The following PTGS1 variants were observed in gnomAD, a reference collection of about 807,000 sequenced individuals.
The protein encoded by PTGS1 is prostaglandin G/H synthase 1.
PTGS1 carries 40 observed loss-of-function variants against 63.0 expected under a neutral mutation model. The observed-to-expected ratio is 0.63, with a 90% confidence interval of 0.49 to 0.83. The LOEUF (loss-of-function observed/expected upper bound fraction) is 0.83. PTGS1 is among the 40% of genes least tolerant of loss of function. The pLI is 0.00. For missense variants in PTGS1, 709 were observed against 786.5 expected, an observed-to-expected ratio of 0.90 and a Z score of 1.18; for synonymous variants, 298 against 301.9, an observed-to-expected ratio of 0.99 and a Z score of 0.13.
chr9:122,381,761 A>T lies in PTGS1; in HGVS notation c.762+14A>T, dbSNP rs202049266. ...CTCAAGTACCAGGTAGTGCTGGGCC[A>T]GGGGGTAGGGCAGAGGGAGGGGTCT... On this transcript the variant is annotated intron_variant, in intron 7 of 10. Transcript: ENST00000362012. 1.6e-5 allele frequency: 19 copies of T among 1,184,428 alleles called. 1 individual carries two copies. The South Asian group carries it at 2.1e-4, about 13-fold the overall frequency. 73.4% of individuals were successfully genotyped at this position (1,184,428 alleles called of 1,614,324 possible).
intron 2 of PTGS1, among the ~76,000 whole-genome samples, chr9:122,374,816 C>T (rs981732640): frequency 1.3e-5 from 2 of 152,196 alleles, no homozygotes; most frequent in Non-Finnish European, 2.9e-5. Context: ...CTTTCCATCC[C>T]TTCCCCAAAT....
chr9:122,377,161 C>G (rs2058161298), intron 2 of PTGS1, among the ~76,000 whole-genome samples: 1 of 152,190 alleles, frequency 6.6e-6, no homozygotes, highest in South Asian at 2.1e-4. Flanking sequence ...CCCCCTCCTC[C>G]TGCACACCCA....
At position 122,378,587 on chromosome 9, in the gene PTGS1, A is replaced by C; in HGVS notation, c.352+14A>C. ...TGGTACTCACAGGTGGGTGTGGGGCAGGGCCCCCTGACCTGGGGGAGCAAG... is the reference window on the plus strand; with the variant it reads ...TGGTACTCACAGGTGGGTGTGGGGCCGGGCCCCCTGACCTGGGGGAGCAAG... On this transcript the variant is annotated intron_variant, in intron 4 of 10. Transcript: ENST00000362012. 2 of 1,614,078 alleles carry C rather than the reference A, an allele frequency of 1.2e-6. No individual in the cohort carries two copies. The highest frequency in any genetic ancestry group is 3.3e-4 in the Middle Eastern group (2 of 6,060).
At chr9:122,374,997 T>C (rs1264052584) in intron 2 of PTGS1, among the ~76,000 whole-genome samples, 3 of 152,002 alleles carry the variant, frequency 2.0e-5, no homozygotes, top group Non-Finnish European at 2.9e-5. Context: ...GGGAGATAAA[T>C]GAGCGTGGGT....
intron 2 of PTGS1, chr9:122,375,301 C>G (rs371339738): frequency 8.1e-6 from 8 of 985,352 alleles, no homozygotes; most frequent in Admixed American, 6.1e-5. Flanking sequence ...TGTGGGCAGC[C>G]GTTCCAGCTT....
At chr9:122,377,772 C>A in intron 2 of PTGS1, 127 bp from the exon 3 acceptor site, 1 of 786,782 alleles carries the variant, frequency 1.3e-6, no homozygotes, top group Non-Finnish European at 2.1e-6. Flanking sequence ...AGCCCTGGCA[C>A]CCAGTGATTC....
At chr9:122,385,965 AAG>A (rs1296956710) in intron 8 of PTGS1, among the ~76,000 whole-genome samples, 6 of 152,110 alleles carry the variant, frequency 3.9e-5, no homozygotes, top group Admixed American at 2.0e-4. Flanking sequence ...TCCTGTTACA[AAG>A]AGACAAAATG....
chr9:122,381,330 C>T (rs774360551), intron 5 of PTGS1, 41 bp from the exon 6 acceptor site: 1 of 1,596,094 alleles, frequency 6.3e-7, no homozygotes, highest in African/African-American at 1.3e-5. Flanking sequence ...CAGCAAGATC[C>T]AGATAGGAGA....
intron 9 of PTGS1, 101 bp from the exon 10 acceptor site, chr9:122,390,097 A>G: frequency 7.1e-7 from 1 of 1,404,400 alleles, no homozygotes; most frequent in South Asian, 1.4e-5. Context: ...ATCCTAGCTC[A>G]GAAGGGACTC....
rs5900525 is a variant in PTGS1 at position 122,391,428 on chromosome 9, CATAT to C, written c.1445-746_1445-743del. On this transcript the variant is annotated intron_variant, in intron 10 of 10. Transcript: ENST00000362012. ...ATATATACATATATATATATATATA[CATAT>C]ATATATATATATATTTCCCCCAATA... Among the ~76,000 whole-genome samples, 529 of 99,604 alleles carry C rather than the reference CATAT, an allele frequency of 5.3e-3. 9 individuals carry two copies. The highest frequency in any genetic ancestry group is 0.016 in the African/African-American group (395 of 25,246). The allele number at this position is 99,604 out of a possible 152,430, so 65.3% of individuals were successfully genotyped here.
At position 122,394,213 on chromosome 9, in the gene PTGS1, CAGAG is replaced by C. The variant is rs1282291584; in HGVS notation, c.*1676_*1679del. ...CTTTTCTCAGGACCTCTGTAGGCAG[CAGAG>C]AGAGAGGACAGAGGGGTAAGATGAG... On this transcript the variant is annotated 3_prime_UTR_variant, in exon 11 of 11. Coordinates refer to ENST00000362012, the MANE Select transcript of PTGS1 (RefSeq NM_000962.4). The C allele has an allele frequency of 1.3e-5, 2 of 152,232 alleles. No individual in the cohort carries two copies. The highest frequency in any genetic ancestry group is 4.8e-5 in the African/African-American group (2 of 41,432). 9.4% of individuals were successfully genotyped at this position (152,232 alleles called of 1,614,324 possible).
In PTGS1 at chr9:122,378,924, A is replaced by G. The variant is rs1394973692; in HGVS notation, c.496+6A>G. Reference sequence around the variant, plus strand: ...CACACCCATGGGAACCAAAGGTAAAATGGGGTGAGGAGCTGGGCCTGGGGA... The same window carrying G: ...CACACCCATGGGAACCAAAGGTAAAGTGGGGTGAGGAGCTGGGCCTGGGGA... On this transcript the variant is annotated splice_donor_region_variant and intron_variant, in intron 5 of 10. Transcript: ENST00000362012. 5.0e-6 allele frequency: 8 copies of G among 1,613,920 alleles called. No individual in the cohort carries two copies. Among genetic ancestry groups the G allele is most frequent in the Non-Finnish European group, 6.8e-6 (8 of 1,179,966 alleles).
intron 8 of PTGS1, among the ~76,000 whole-genome samples, chr9:122,385,912 C>T (rs1837843471): frequency 6.6e-6 from 1 of 152,124 alleles, no homozygotes; most frequent in African/African-American, 2.4e-5. Flanking sequence ...GTGCTCTTGT[C>T]TTGAGACCTC....
chr9:122,377,496 C>T (rs1239656437), intron 2 of PTGS1, among the ~76,000 whole-genome samples: 3 of 142,674 alleles, frequency 2.1e-5, no homozygotes, highest in Non-Finnish European at 4.6e-5. Flanking sequence ...CCGGCCTGCT[C>T]TTGCTACTGA....
chr9:122,378,425 C>T lies in PTGS1; in HGVS notation c.212-8C>T. The T allele has an allele frequency of 6.2e-7, 1 of 1,613,266 alleles. No individual in the cohort carries two copies. On this transcript the variant is annotated splice_polypyrimidine_tract_variant and splice_region_variant and intron_variant, in intron 3 of 10. Transcript: ENST00000362012. Reference sequence around the variant, plus strand: ...GGACCAACTGAGTGACTGCCATTGCCCCTGCAGCTGGCCTGTGGACCTGGC... The same window carrying T: ...GGACCAACTGAGTGACTGCCATTGCTCCTGCAGCTGGCCTGTGGACCTGGC...
chr9:122,371,071 C>G lies in PTGS1; in HGVS notation c.-14C>G. The stretch of plus-strand genomic sequence containing the variant: ...GAGCCTGCACTCTGCGTCCCGCACC[C>G]CAGCAGCCGCGCCATGAGCCGTGAG... On this transcript the variant is annotated 5_prime_UTR_variant, in exon 1 of 11. Transcript: ENST00000362012. The G allele has an allele frequency of 6.3e-7, 1 of 1,595,644 alleles. No individual in the cohort carries two copies. The highest frequency in any genetic ancestry group is 8.5e-7 in the Non-Finnish European group (1 of 1,177,536).
chr9:122,376,726 T>C (rs893991585), intron 2 of PTGS1, among the ~76,000 whole-genome samples: 7 of 152,194 alleles, frequency 4.6e-5, no homozygotes, highest in African/African-American at 1.4e-4. Flanking sequence ...TGGAGCCTCC[T>C]GCCAGGCGCT....
At chr9:122,391,430 T>TATAC (rs1838275604) in intron 10 of PTGS1, among the ~76,000 whole-genome samples, 5 of 25,358 alleles carry the variant, frequency 2.0e-4, no homozygotes, top group South Asian at 4.8e-3. Flanking sequence ...TATATATACA[T>TATAC]ATATATATAT....
Position 122,386,614 on chromosome 9 carries a change from C to A in PTGS1, c.1178C>A (p.Ser393Tyr). 3.7e-6 allele frequency: 6 copies of A among 1,614,216 alleles called. No individual in the cohort carries two copies. The highest frequency in any genetic ancestry group is 5.1e-6 in the Non-Finnish European group (6 of 1,180,034). ...LYHWHPLMPD[S>Y]FKVGSQEYSY... ...CACTGGCACCCCCTCATGCCTGACT[C>A]CTTCAAGGTGGGCTCCCAGGAGTAC... The change falls in exon 9 of 11, where the codon TCC becomes TAC. Residue 393 changes from serine (S) to tyrosine (Y), a missense_variant. Coordinates refer to ENST00000362012, the MANE Select transcript of PTGS1 (RefSeq NM_000962.4).
Sources: gnomAD v4.1 joint callset for allele counts (sites outside exome capture counted in the v4.1 genomes callset) on GRCh38, gnomAD v4.1.1 for gene constraint, MANE v1.5 for transcripts, NCBI Gene and HGNC (gene_info 2026-07-23, HGNC 2026-07-21) for gene names.